The following DDX24 variants were observed in gnomAD, a reference collection of about 807,000 sequenced individuals.
DDX24 encodes the protein ATP-dependent RNA helicase DDX24.
In DDX24, 24 loss-of-function variants were observed where a neutral mutation model predicts 68.9. The observed-to-expected ratio is 0.35, with a 90% CI of 0.25 to 0.49. The LOEUF is 0.49. DDX24 is among the 20% of genes least tolerant of loss of function. DDX24 has a pLI of 0.99. For synonymous variants in DDX24, 395 were observed against 385.2 expected (o/e 1.03, Z -0.30); for missense variants, 989 against 1,039.0 (o/e 0.95, Z 0.66).
intron 5 of DDX24, among the ~76,000 whole-genome samples, chr14:94,059,874 T>C (rs896275966): frequency 1.1e-4 from 17 of 152,046 alleles, no homozygotes; most frequent in Non-Finnish European, 2.2e-4. Flanking sequence ...TTGTCACCTA[T>C]ATTCATTAGT....
intron 2 of DDX24, among the ~76,000 whole-genome samples, chr14:94,072,484 A>ACAAAT (rs1885851600): frequency 6.6e-6 from 1 of 152,230 alleles, no homozygotes; most frequent in African/African-American, 2.4e-5. Context: ...ATGAAATACT[A>ACAAAT]CAAATATGGT....
chr14:94,076,202 C>T (rs1486387505), intron 2 of DDX24, among the ~76,000 whole-genome samples: 1 of 152,074 alleles, frequency 6.6e-6, no homozygotes, highest in Non-Finnish European at 1.5e-5. Context: ...CAAGAAAAAG[C>T]ACAAATGTCC....
At chr14:94,064,333 T>C (rs113528522) in intron 2 of DDX24, among the ~76,000 whole-genome samples, 1,559 of 152,360 alleles carry the variant, frequency 0.01, 31 homozygotes, top group African/African-American at 0.035. Flanking sequence ...CCTCTGTTGC[T>C]GATATAAAAC....
chr14:94,080,579 G>A (rs1282936162), intron 1 of DDX24, among the ~76,000 whole-genome samples: 1 of 152,014 alleles, frequency 6.6e-6, no homozygotes, highest in Non-Finnish European at 1.5e-5. Flanking sequence ...CTGTCCCACA[G>A]AATCCTTATA....
intron 2 of DDX24, among the ~76,000 whole-genome samples, chr14:94,067,990 C>T (rs879910135): frequency 5.9e-5 from 9 of 152,070 alleles, no homozygotes; most frequent in Non-Finnish European, 1.0e-4. Flanking sequence ...GCATGAGGAA[C>T]GCAAGGGTAC....
In DDX24 at chr14:94,055,505, G is replaced by C. The variant is rs1209532965; in HGVS notation, c.1990-321C>G. 13 of 345,440 alleles carry C rather than the reference G, an allele frequency of 3.8e-5. No homozygotes were observed. The East Asian group carries it at 5.9e-4, about 16-fold the overall frequency. 21.4% of individuals were successfully genotyped at this position (345,440 alleles called of 1,614,324 possible). ...AGCTCCACAGACCATGTTAATCCCT[G>C]GGTTATACGGTCTCTACTCCTATAT... On this transcript the variant is annotated intron_variant, in intron 6 of 8. Coordinates refer to ENST00000621632, the MANE Select transcript of DDX24 (RefSeq NM_020414.4).
At chr14:94,054,941 T>C in intron 7 of DDX24, 55 bp downstream of exon 7, 1 of 1,575,802 alleles carries the variant, frequency 6.3e-7, no homozygotes, top group South Asian at 1.2e-5. Context: ...CAAGGTGCTC[T>C]GCAAGGGAGC....
chr14:94,050,476 A>C lies in DDX24; in HGVS notation c.*715T>G, dbSNP rs1488085142. The C allele has an allele frequency of 1.3e-5, 2 of 152,394 alleles. No individual in the cohort carries two copies. The highest frequency in any genetic ancestry group is 4.8e-5 in the African/African-American group (2 of 41,462). The allele number at this position is 152,394 out of a possible 1,614,324, so 9.4% of individuals were successfully genotyped here. On this transcript the variant is annotated 3_prime_UTR_variant, in exon 9 of 9. Coordinates refer to ENST00000621632, the MANE Select transcript of DDX24 (RefSeq NM_020414.4). ...TCAGGACAAGAGAAGGGGTGCATGGAACCGTGGGCAGGAGCCTGCTCTGTC... is the reference window on the plus strand; with the variant it reads ...TCAGGACAAGAGAAGGGGTGCATGGCACCGTGGGCAGGAGCCTGCTCTGTC...
At chr14:94,080,884 CGAAACCGA>C (rs1192301797) in intron 1 of DDX24, among the ~76,000 whole-genome samples, 10 of 152,138 alleles carry the variant, frequency 6.6e-5, no homozygotes, top group Non-Finnish European at 4.4e-5. Context: ...AACGCGCGCA[CGAAACCGA>C]GAAACCGAGA....
intron 3 of DDX24, 105 bp from the exon 4 acceptor site, chr14:94,061,171 T>G: frequency 7.5e-7 from 1 of 1,335,012 alleles, no homozygotes; most frequent in Non-Finnish European, 1.1e-6. Context: ...ATCAGCACAG[T>G]GTAATGCCCT....
At chr14:94,057,193 A>C (rs780425107) in intron 6 of DDX24, 1 of 152,216 alleles carries the variant, frequency 6.6e-6, no homozygotes, top group Non-Finnish European at 1.5e-5. Flanking sequence ...CTGGGGATTC[A>C]AAGCCTGGCA....
In DDX24 at chr14:94,079,601, C is replaced by G. The variant is rs1446525629; in HGVS notation, c.142G>C (p.Val48Leu). Residue 48 changes from valine to leucine, a missense_variant, in exon 2 of 9, where the codon GTG becomes CTG. Around this residue, in one of 3 missense-constraint regions of DDX24, gnomAD observed 295 missense variants for 263.0 expected, o/e 1.12. Transcript: ENST00000621632. ...TAATCTGTCAATTCCTCAAAGCACA[C>G]CAAGTCATCCATCTGTCCATCTGCA... ...MFADGQMDDL[V>L]CFEELTDYQL... The G allele has an allele frequency of 6.2e-7, 1 of 1,614,180 alleles. No homozygotes were observed. The highest frequency in any genetic ancestry group is 1.7e-5 in the Admixed American group (1 of 60,030).
At chr14:94,069,643 T>C (rs999509784) in intron 2 of DDX24, among the ~76,000 whole-genome samples, 1 of 152,108 alleles carries the variant, frequency 6.6e-6, no homozygotes, top group African/African-American at 2.4e-5. Context: ...TCCAACAACA[T>C]ATCAAAAAGA....
chr14:94,062,636 A>C lies in DDX24; in HGVS notation c.719-15T>G, dbSNP rs778432167. The stretch of plus-strand genomic sequence containing the variant: ...TTTCCCACTTCCTTAAAAGTAAAAA[A>C]ACAAAACAAAGTAAAAACAGTGTGA... On this transcript the variant is annotated splice_polypyrimidine_tract_variant and intron_variant, in intron 2 of 8. Coordinates refer to ENST00000621632, the MANE Select transcript of DDX24 (RefSeq NM_020414.4). 1.3e-6 allele frequency: 2 copies of C among 1,569,460 alleles called. No homozygotes were observed. Among genetic ancestry groups the C allele is most frequent in the South Asian group, 2.4e-5 (2 of 82,988 alleles).
At chr14:94,051,512 A>G (rs753808240) in intron 8 of DDX24, 50 bp from the exon 9 acceptor site, 62 of 1,496,476 alleles carry the variant, frequency 4.1e-5, no homozygotes, top group Non-Finnish European at 5.2e-5. Context: ...TTGTAGAAAC[A>G]TTTTGTTTCC....
At chr14:94,063,336 G>T (rs1249530150) in intron 2 of DDX24, among the ~76,000 whole-genome samples, 1 of 71,188 alleles carries the variant, frequency 1.4e-5, no homozygotes, top group African/African-American at 4.3e-5. Context: ...CTTTTGATAA[G>T]AAGAACAGCA....
At chr14:94,066,933 C>G (rs1201028582) in intron 2 of DDX24, among the ~76,000 whole-genome samples, 1 of 152,122 alleles carries the variant, frequency 6.6e-6, no homozygotes, top group South Asian at 2.1e-4. Flanking sequence ...GGCTCTTCAA[C>G]AGCCCCCAAC....
Position 94,051,420 on chromosome 14 carries a change from T to TG in DDX24, c.2350dup (p.Gln784ProfsTer42). On this transcript the variant is annotated frameshift_variant, in exon 9 of 9. Transcript: ENST00000621632. LOFTEE classifies it low-confidence loss of function (END_TRUNC). ...CAGCTCCTTCTTCAGAACCTTCATC[T>TG]GCTTTTGTCTCCGACGTTCTTCTTG... 1 of 1,586,586 alleles carries TG rather than the reference T, an allele frequency of 6.3e-7. No individual in the cohort carries two copies. Among genetic ancestry groups the TG allele is most frequent in the Non-Finnish European group, 8.6e-7 (1 of 1,168,808 alleles).
chr14:94,062,604 C>A lies in DDX24; in HGVS notation c.736G>T (p.Ala246Ser). 6.3e-7 allele frequency: 1 copy of A among 1,595,006 alleles called. No individual in the cohort carries two copies. Among genetic ancestry groups the A allele is most frequent in the South Asian group, 1.1e-5 (1 of 87,854 alleles). Residue 246 changes from alanine to serine, a missense_variant, in exon 3 of 9, where the codon GCC becomes TCC. By Grantham distance (99) the Ala-to-Ser change is moderately conservative. Coordinates refer to ENST00000621632, the MANE Select transcript of DDX24 (RefSeq NM_020414.4). ...AAETGSGKTLAFAIPMIHAVL... is the reference protein window; with the variant it reads ...AAETGSGKTLSFAIPMIHAVL... Reference sequence around the variant, plus strand: ...GCATGAATCATTGGGATGGCAAAGGCAAGAGTTTTCCCACTTCCTTAAAAG... The same window carrying A: ...GCATGAATCATTGGGATGGCAAAGGAAAGAGTTTTCCCACTTCCTTAAAAG...
Sources: gnomAD v4.1 joint callset for allele counts (sites outside exome capture counted in the v4.1 genomes callset) on GRCh38, gnomAD v4.1.1 for gene constraint, gnomAD v4.1.1 regional missense constraint, MANE v1.5 for transcripts, NCBI Gene and HGNC (gene_info 2026-07-23, HGNC 2026-07-21) for gene names.